Variants in SEPTIN9 observed in about 807,000 individuals in gnomAD.
SEPTIN9 encodes the protein septin-9.
SEPTIN9 carries 13 observed loss-of-function variants against 56.6 expected under a neutral mutation model. The ratio of observed to expected loss-of-function variants is 0.23; its 90% CI spans 0.15 to 0.37. SEPTIN9 has a LOEUF of 0.37. Ranked by LOEUF, SEPTIN9 falls within the 10% of genes least tolerant of loss-of-function variation. SEPTIN9 has a pLI of 1.00. For missense variants in SEPTIN9, 650 were observed against 823.1 expected, an observed-to-expected ratio of 0.79 and a Z score of 2.57; for synonymous variants, 332 against 334.1, an observed-to-expected ratio of 0.99 and a Z score of 0.07.
chr17:77,456,956 C>T lies in SEPTIN9; in HGVS notation c.722-25188C>T, dbSNP rs574398317. On this transcript the variant is annotated intron_variant, in intron 3 of 11. Transcript: ENST00000427177. This position sits in a 1 kb window ranked among gnomAD's most constrained non-coding sequence, Gnocchi z 6.0. ...GACCCTGGATGACTGAAGGAGGGCA[C>T]GGTTGACTAAAGCTGCAGGAGCCAG... Among the ~76,000 whole-genome samples, 18 of 152,372 alleles carry T rather than the reference C, an allele frequency of 1.2e-4. No individual in the cohort carries two copies. Among genetic ancestry groups the T allele is most frequent in the East Asian group, 1.9e-4 (1 of 5,188 alleles).
At chr17:77,338,427 C>CT (rs71160227) in intron 2 of SEPTIN9, among the ~76,000 whole-genome samples, 8 of 151,182 alleles carry the variant, frequency 5.3e-5, no homozygotes, top group South Asian at 2.1e-4. Context: ...TTTTCTTTTT[C>CT]TTTTTTTTTG....
At chr17:77,432,889 G>C (rs1302387199) in intron 3 of SEPTIN9, among the ~76,000 whole-genome samples, 1 of 152,350 alleles carries the variant, frequency 6.6e-6, no homozygotes, top group African/African-American at 2.4e-5. Flanking sequence ...TCATGAGCGA[G>C]GCCCCCTGTG....
intron 11 of SEPTIN9, 85 bp downstream of exon 11, chr17:77,497,451 G>A (rs1401834820): frequency 6.9e-6 from 9 of 1,309,140 alleles, no homozygotes; most frequent in Admixed American, 1.9e-5. Flanking sequence ...GTGTGGGGCC[G>A]AAGCCCTGGG....
Position 77,493,920 on chromosome 17 carries a change from G to A in SEPTIN9, c.1573+844G>A, listed in dbSNP as rs548683736. Among the ~76,000 whole-genome samples, 9 of 152,058 alleles carry A rather than the reference G, an allele frequency of 5.9e-5. No individual in the cohort carries two copies. In the East Asian group the frequency reaches 1.2e-3, roughly 20 times the overall value. On this transcript the variant is annotated intron_variant, in intron 10 of 11. Transcript: ENST00000427177. ...CCCGAGTATCTGGGATTACAGTCAC[G>A]TACCACCCACCTGACTTAATTTTTG...
Position 77,369,481 on chromosome 17 carries a change from C to T in SEPTIN9, c.77-32578C>T, listed in dbSNP as rs763898558. ...AAAGAGAGGAGTCAACAGTGGTGCC[C>T]GGAGACTTGGCTTGAGCAACTAGGT... On this transcript the variant is annotated intron_variant, in intron 2 of 11. Transcript: ENST00000427177. The surrounding 1 kb of genome is among the most constrained non-coding windows in gnomAD (Gnocchi z 4.9). Among the ~76,000 whole-genome samples the T allele has an allele frequency of 2.6e-4, 40 of 152,188 alleles. No individual in the cohort carries two copies. The highest frequency in any genetic ancestry group is 4.1e-4 in the Non-Finnish European group (28 of 67,994).
rs150412506 is a variant in SEPTIN9, at chr17:77,454,134, C to T, written c.722-28010C>T. 1.4e-3 allele frequency: 1,346 copies of T among 985,860 alleles called. 9 individuals carry two copies. The African/African-American group carries it at 0.016, about 12-fold the overall frequency. The allele number at this position is 985,860 out of a possible 1,614,324, so 61.1% of individuals were successfully genotyped here. ...GTAAGCTGTGGGGGCTCCTCCCCGC[C>T]GGCCCCTCTCTGCAGCCCTCACCTT... On this transcript the variant is annotated intron_variant, in intron 3 of 11. Coordinates refer to ENST00000427177, the MANE Select transcript of SEPTIN9 (RefSeq NM_001113491.2).
Position 77,367,013 on chromosome 17 carries a change from GA to G in SEPTIN9, c.77-35044del, listed in dbSNP as rs1485264676. Among the ~76,000 whole-genome samples the G allele has an allele frequency of 6.6e-6, 1 of 152,216 alleles. No homozygotes were observed. The highest frequency in any genetic ancestry group is 2.4e-5 in the African/African-American group (1 of 41,452). ...CAAAGCAGGCTGGGGGGATCACTGG[GA>G]AGTCTGGGGAACAGATTGGTCATGT... On this transcript the variant is annotated intron_variant, in intron 2 of 11. Coordinates refer to ENST00000427177, the MANE Select transcript of SEPTIN9 (RefSeq NM_001113491.2). This position sits in a 1 kb window ranked among gnomAD's most constrained non-coding sequence, Gnocchi z 4.5.
In SEPTIN9 at chr17:77,482,128, G is replaced by C; in HGVS notation, c.722-16G>C. On this transcript the variant is annotated splice_polypyrimidine_tract_variant and intron_variant, in intron 3 of 11. Transcript: ENST00000427177. ...GCCCCTGTTCCGCTCTAACTCCTCT[G>C]CTGTTCCTTCCCCAGCCACTGAGGC... is the stretch of plus-strand genomic sequence containing the variant. The C allele has an allele frequency of 1.3e-6, 2 of 1,550,880 alleles. No individual in the cohort carries two copies. Among genetic ancestry groups the C allele is most frequent in the Non-Finnish European group, 1.7e-6 (2 of 1,148,624 alleles).
chr17:77,493,345 G>A (rs1454088135), intron 10 of SEPTIN9: 2 of 493,740 alleles, frequency 4.1e-6, no homozygotes, highest in Non-Finnish European at 7.4e-6. Context: ...GCCAAGTTCT[G>A]GATCCTGGTG....
intron 7 of SEPTIN9, 78 bp from the exon 8 acceptor site, chr17:77,490,664 C>T (rs922337299): frequency 2.4e-5 from 27 of 1,136,962 alleles, no homozygotes; most frequent in Non-Finnish European, 3.0e-5. Flanking sequence ...CTGAGAGTGT[C>T]GACACCTGCT....
At chr17:77,348,292 ATGT>A (rs2033947901) in intron 2 of SEPTIN9, among the ~76,000 whole-genome samples, 2 of 58,022 alleles carry the variant, frequency 3.4e-5, no homozygotes, top group African/African-American at 1.4e-4. Flanking sequence ...ATTTTAATTT[ATGT>A]TTTTTTTTTT....
intron 2 of SEPTIN9, among the ~76,000 whole-genome samples, chr17:77,333,644 A>G (rs779796348): frequency 6.6e-6 from 1 of 152,168 alleles, no homozygotes; most frequent in African/African-American, 2.4e-5. Context: ...TTTGTAAGAA[A>G]CCTTTGCCTA....
rs1389303207 is a variant in SEPTIN9 at position 77,368,309 on chromosome 17, G to GT, written c.77-33745dup. 5.1e-4 allele frequency among the ~76,000 whole-genome samples: 74 copies of GT among 145,474 alleles called. No homozygotes were observed. In the South Asian group the frequency reaches 0.011, roughly 21 times the overall value. On this transcript the variant is annotated intron_variant, in intron 2 of 11. Coordinates refer to ENST00000427177, the MANE Select transcript of SEPTIN9 (RefSeq NM_001113491.2). The stretch of plus-strand genomic sequence containing the variant: ...TTAAAATGGTAAATTTGTCTTTTTT[G>GT]TTTTTGTTTTTTTTTTTTTTGAGAC...
chr17:77,432,254 A>C (rs552838976), intron 3 of SEPTIN9, among the ~76,000 whole-genome samples: 1 of 152,214 alleles, frequency 6.6e-6, no homozygotes, highest in Non-Finnish European at 1.5e-5. Flanking sequence ...ATGATGAGAA[A>C]CAAAGGTGTT....
chr17:77,455,093 C>A (rs1424278035), intron 3 of SEPTIN9, among the ~76,000 whole-genome samples: 2 of 151,204 alleles, frequency 1.3e-5, no homozygotes, highest in Admixed American at 6.6e-5. Flanking sequence ...ACACTAAATG[C>A]GATTTGTCAA....
At chr17:77,373,674 C>T in intron 2 of SEPTIN9, 1 of 1,419,230 alleles carries the variant, frequency 7.0e-7, no homozygotes, top group East Asian at 3.0e-5. Flanking sequence ...GACGGGACCC[C>T]TAATCCAGGC....
intron 3 of SEPTIN9, among the ~76,000 whole-genome samples, chr17:77,452,518 A>C (rs1355071789): frequency 2.0e-5 from 3 of 152,110 alleles, no homozygotes; most frequent in Non-Finnish European, 4.4e-5. Context: ...CTGCTCATCT[A>C]AGATAAGTTT....
rs752530787 is a variant in SEPTIN9 at position 77,488,864 on chromosome 17, C to T, written c.1262C>T (p.Ser421Phe). 30 of 1,613,498 alleles carry T rather than the reference C, an allele frequency of 1.9e-5. No individual in the cohort carries two copies. In the South Asian group the frequency reaches 2.3e-4, roughly 12 times the overall value. ...CLYFIPATGH[S>F]LRPLDIEFMK... ...TACTTCATCCCCGCCACCGGCCACT[C>T]GTACGTCCCTGCAGTGTCGGCGTCC... Residue 421 changes from serine to phenylalanine, a missense_variant and splice_region_variant, in exon 7 of 12, where the codon TCC (serine) becomes TTC (phenylalanine). By Grantham distance (155) the Ser-to-Phe change is radical. Coordinates refer to ENST00000427177, the MANE Select transcript of SEPTIN9 (RefSeq NM_001113491.2).
At chr17:77,469,407 C>G (rs2038882529) in intron 3 of SEPTIN9, 2 of 152,368 alleles carry the variant, frequency 1.3e-5, no homozygotes, top group African/African-American at 4.8e-5. Flanking sequence ...AGGGTGACCC[C>G]TGTGTGTTTC....
Sources: allele counts gnomAD v4.1 joint callset (sites outside exome capture counted in the v4.1 genomes callset), GRCh38; gene constraint gnomAD v4.1.1; non-coding constraint Gnocchi (gnomAD v3.1); transcripts MANE v1.5; gene names NCBI Gene and HGNC (gene_info 2026-07-23, HGNC 2026-07-21).